SLC3A1: variants seen among roughly 807,000 people sequenced by gnomAD.
SLC3A1 encodes the protein solute carrier family 3 member 1, also known as amino acid transporter heavy chain SLC3A1.
A neutral mutation model predicts 60.3 loss-of-function variants in SLC3A1; 78 were observed. The ratio of observed to expected loss-of-function variants is 1.29; its 90% CI spans 1.08 to 1.56. The LOEUF is 1.56. Ranked by LOEUF, SLC3A1 falls within the 40% of genes most tolerant of loss-of-function variation. SLC3A1 has a pLI of 0.00. For missense variants in SLC3A1, 1,172 were observed against 858.9 expected, an observed-to-expected ratio of 1.36 and a Z score of -4.56; for synonymous variants, 392 against 307.9, an observed-to-expected ratio of 1.27 and a Z score of -2.86.
intron 3 of SLC3A1, among the ~76,000 whole-genome samples, chr2:44,282,810 A>C (rs912440903): frequency 5.3e-5 from 8 of 151,908 alleles, no homozygotes; most frequent in African/African-American, 1.9e-4. Context: ...AATGTGTGCC[A>C]CCATGCCCAG....
At chr2:44,314,353 C>A in intron 9 of SLC3A1, 1 of 409,286 alleles carries the variant, frequency 2.4e-6, no homozygotes, top group South Asian at 3.2e-5. Context: ...CAACCCAGAG[C>A]AAGGCTCAAA....
chr2:44,277,044 C>G (rs1671359449), intron 1 of SLC3A1, among the ~76,000 whole-genome samples: 1 of 150,472 alleles, frequency 6.6e-6, no homozygotes, highest in Admixed American at 6.6e-5. Flanking sequence ...AAACCTGCAG[C>G]TTTCTTTAAT....
intron 9 of SLC3A1, among the ~76,000 whole-genome samples, chr2:44,317,177 T>C (rs535384293): frequency 1.1e-3 from 168 of 152,280 alleles, no homozygotes; most frequent in Non-Finnish European, 2.1e-3. Context: ...AAACATTTAG[T>C]TCCTGCTGGG....
intron 7 of SLC3A1, among the ~76,000 whole-genome samples, chr2:44,309,160 C>G (rs1377427485): frequency 6.6e-6 from 1 of 152,184 alleles, no homozygotes; most frequent in African/African-American, 2.4e-5. Context: ...TTATCAGTTT[C>G]TAGAACTTTT....
rs1048995086 is a variant in SLC3A1 at position 44,289,984 on chromosome 2, A to C, written c.891+3827A>C. ...TTGTGCCTTTAGTGTCGTATCTAAG[A>C]ACCATTGCTTAATCCAAGGTCATGA... On this transcript the variant is annotated intron_variant, in intron 4 of 9. Coordinates refer to ENST00000260649, the MANE Select transcript of SLC3A1 (RefSeq NM_000341.4). 2.0e-5 allele frequency among the ~76,000 whole-genome samples: 3 copies of C among 152,088 alleles called. No homozygotes were observed. In the East Asian group the frequency reaches 5.8e-4, roughly 29 times the overall value.
chr2:44,321,996 T>C (rs1361589649), downstream of SLC3A1: 22 of 1,272,382 alleles, frequency 1.7e-5, no homozygotes, highest in South Asian at 1.7e-4. Context: ...AGTACTCAGT[T>C]CAAATAATAG....
At position 44,275,550 on chromosome 2, in the gene SLC3A1, A is replaced by C. The variant is rs1671319030; in HGVS notation, c.15A>C (p.Lys5Asn). The stretch of plus-strand genomic sequence containing the variant: ...GTCGGTGAGACATGGCTGAAGATAA[A>C]AGCAAGAGAGACTCCATCGAGATGA... MAED[K>N]SKRDSIEMSM... is the part of the protein sequence containing the mutation. The change falls in exon 1 of 10, where the codon AAA (lysine) becomes AAC (asparagine). Residue 5 changes from lysine to asparagine, a missense_variant. By Grantham distance (94) the Lys-to-Asn change is moderately conservative (BLOSUM62 0). Coordinates refer to ENST00000260649, the MANE Select transcript of SLC3A1 (RefSeq NM_000341.4). 1 of 1,613,966 alleles carries C rather than the reference A, an allele frequency of 6.2e-7. No homozygotes were observed. The highest frequency in any genetic ancestry group is 1.3e-5 in the African/African-American group (1 of 74,916).
At chr2:44,291,272 A>G (rs1671734948) in intron 4 of SLC3A1, among the ~76,000 whole-genome samples, 1 of 152,224 alleles carries the variant, frequency 6.6e-6, no homozygotes, top group Non-Finnish European at 1.5e-5. Context: ...TTTATCAGGC[A>G]GTAGATTTTT....
At chr2:44,318,211 CTCCCAAGTAGCT>C (rs1672598370) in intron 9 of SLC3A1, 2 of 387,910 alleles carry the variant, frequency 5.2e-6, no homozygotes, top group Admixed American at 3.2e-5. Flanking sequence ...CTGCTGCAGC[CTCCCAAGTAGCT>C]GGGATTACAG....
chr2:44,303,121 C>T (rs372254953), intron 6 of SLC3A1, among the ~76,000 whole-genome samples: 117 of 151,556 alleles, frequency 7.7e-4, no homozygotes, highest in African/African-American at 2.7e-3. Flanking sequence ...GAATCACTTG[C>T]ACCTGGGAGG....
chr2:44,295,321 C>A (rs1048609614), intron 4 of SLC3A1, among the ~76,000 whole-genome samples: 1 of 152,140 alleles, frequency 6.6e-6, no homozygotes, highest in South Asian at 2.1e-4. Context: ...GAGTCAAGGA[C>A]GTAGTGTATA....
At chr2:44,281,145 C>G (rs1204686769) in intron 2 of SLC3A1, among the ~76,000 whole-genome samples, 1 of 141,354 alleles carries the variant, frequency 7.1e-6, no homozygotes, top group Non-Finnish European at 1.5e-5. Flanking sequence ...CTCCCCTCCC[C>G]TCTCCTTTCC....
At chr2:44,309,925 G>C (rs1672252356) in intron 7 of SLC3A1, among the ~76,000 whole-genome samples, 1 of 149,692 alleles carries the variant, frequency 6.7e-6, no homozygotes, top group Non-Finnish European at 1.5e-5. Context: ...GTCTCACTTT[G>C]TCATCACCTA....
chr2:44,311,128 G>C (rs976586861), intron 7 of SLC3A1, among the ~76,000 whole-genome samples: 7 of 152,128 alleles, frequency 4.6e-5, no homozygotes, highest in Admixed American at 6.6e-5. Context: ...TCTCAGGCCA[G>C]ATACTCTCAA....
intron 4 of SLC3A1, among the ~76,000 whole-genome samples, chr2:44,294,996 G>A (rs771944365): frequency 2.0e-5 from 3 of 151,922 alleles, no homozygotes; most frequent in African/African-American, 4.8e-5. Flanking sequence ...CTCCCACCTC[G>A]GTCTCTGAAA....
chr2:44,301,215 CAAGT>C (rs1671998402), intron 6 of SLC3A1, 88 bp downstream of exon 6: 1 of 1,521,072 alleles, frequency 6.6e-7, no homozygotes, highest in Non-Finnish European at 9.1e-7. Context: ...TTTGGAGGTT[CAAGT>C]AATAATGTAA....
chr2:44,285,980 T>G (rs1671603464), intron 3 of SLC3A1, 52 bp from the exon 4 acceptor site: 1 of 1,608,926 alleles, frequency 6.2e-7, no homozygotes, highest in African/African-American at 1.3e-5. Context: ...GATCTTTATT[T>G]GTGGGCAATA....
At chr2:44,304,849 G>T (rs1017929284) in intron 7 of SLC3A1, among the ~76,000 whole-genome samples, 1 of 138,118 alleles carries the variant, frequency 7.2e-6, no homozygotes, top group African/African-American at 2.7e-5. Flanking sequence ...TTGAGACAGG[G>T]GCTCACTCTG....
chr2:44,300,242 G>C (rs969392406), intron 5 of SLC3A1, 152 bp downstream of exon 5: 2 of 814,878 alleles, frequency 2.5e-6, no homozygotes, highest in Non-Finnish European at 3.9e-6. Flanking sequence ...ATGTGCAAGA[G>C]TTTGAAATGC....
Sources: gnomAD v4.1 joint callset for allele counts (sites outside exome capture counted in the v4.1 genomes callset) on GRCh38, gnomAD v4.1.1 for gene constraint, MANE v1.5 for transcripts, NCBI Gene and HGNC (gene_info 2026-07-23, HGNC 2026-07-21) for gene names.